The following RCOR1 variants were observed in gnomAD, a reference collection of about 807,000 sequenced individuals.
The protein encoded by RCOR1 is REST corepressor.
RCOR1 carries 12 observed loss-of-function variants against 64.0 expected under a neutral mutation model. That is an observed-to-expected ratio of 0.19 (90% confidence interval 0.12 to 0.30). The LOEUF (loss-of-function observed/expected upper bound fraction) is 0.30, where lower values mean the gene tolerates loss of function less well. Ranked by LOEUF, RCOR1 falls within the 10% of genes least tolerant of loss-of-function variation. The probability of loss-of-function intolerance (pLI) is 1.00; values close to 1 mark genes in which losing one functional copy is unlikely to be tolerated. For missense variants in RCOR1, 502 were observed against 621.2 expected (o/e 0.81, Z 2.04); for synonymous variants, 279 against 227.2 (o/e 1.23, Z -2.05).
At chr14:102,621,876 G>C (rs1370431148) in intron 2 of RCOR1, among the ~76,000 whole-genome samples, 3 of 152,108 alleles carry the variant, frequency 2.0e-5, no homozygotes. Context: ...GATTTTGTTG[G>C]ATGAATGCAA....
chr14:102,653,322 G>C (rs1894630868), intron 2 of RCOR1, among the ~76,000 whole-genome samples: 1 of 152,042 alleles, frequency 6.6e-6, no homozygotes, highest in African/African-American at 2.4e-5. Context: ...GGGCTCAATC[G>C]ATCCTCCCAC....
At chr14:102,682,801 A>G (rs1260254775) in intron 3 of RCOR1, among the ~76,000 whole-genome samples, 3 of 152,246 alleles carry the variant, frequency 2.0e-5, no homozygotes, top group African/African-American at 7.2e-5. Context: ...CAGTGTTCAC[A>G]GTAACCCAGG....
At chr14:102,671,728 T>A (rs193023612) in intron 2 of RCOR1, among the ~76,000 whole-genome samples, 50 of 152,326 alleles carry the variant, frequency 3.3e-4, no homozygotes, top group Admixed American at 3.3e-3. Flanking sequence ...TTATTTAAAA[T>A]ATGCAAAATT....
At chr14:102,624,653 C>G (rs1375470591) in intron 2 of RCOR1, among the ~76,000 whole-genome samples, 1 of 151,934 alleles carries the variant, frequency 6.6e-6, no homozygotes, top group Non-Finnish European at 1.5e-5. Flanking sequence ...ATAGTCACAG[C>G]TACTTCGGAG....
chr14:102,710,597 A>G (rs1895936367), intron 6 of RCOR1: 2 of 227,024 alleles, frequency 8.8e-6, no homozygotes, highest in South Asian at 1.3e-4. Context: ...TCCTCAATAG[A>G]TAATTATGAG....
chr14:102,652,207 G>A (rs1894607712), intron 2 of RCOR1, among the ~76,000 whole-genome samples: 2 of 152,110 alleles, frequency 1.3e-5, no homozygotes, highest in African/African-American at 2.4e-5. Flanking sequence ...CTTTGAAGAA[G>A]GAACTGTTTC....
chr14:102,647,754 T>C (rs12892602), intron 2 of RCOR1, among the ~76,000 whole-genome samples: 67,118 of 151,664 alleles, frequency 0.44, 16,795 homozygotes, highest in African/African-American at 0.69. Flanking sequence ...TCTCCACTCA[T>C]TGCAGCCTCC....
intron 2 of RCOR1, among the ~76,000 whole-genome samples, chr14:102,628,814 A>C (rs1595201586): frequency 6.6e-6 from 1 of 151,906 alleles, no homozygotes; most frequent in Admixed American, 6.5e-5. Flanking sequence ...TCGGCCTCCC[A>C]AAGTGCTGGG....
At chr14:102,601,034 C>T (rs1471096820) in intron 2 of RCOR1, among the ~76,000 whole-genome samples, 1 of 151,666 alleles carries the variant, frequency 6.6e-6, no homozygotes, top group Non-Finnish European at 1.5e-5. Flanking sequence ...ACTAAAAACA[C>T]AAAAATTAGC....
intron 2 of RCOR1, among the ~76,000 whole-genome samples, chr14:102,634,766 G>A (rs976140218): frequency 9.9e-5 from 15 of 151,318 alleles, no homozygotes; most frequent in African/African-American, 2.7e-4. Flanking sequence ...GCGCGATCTC[G>A]ACTCACGACA....
At chr14:102,674,902 T>C (rs1201945752) in intron 2 of RCOR1, among the ~76,000 whole-genome samples, 6 of 151,534 alleles carry the variant, frequency 4.0e-5, no homozygotes, top group Non-Finnish European at 8.8e-5. Flanking sequence ...CTACTAAAAA[T>C]ACAAAAAATT....
chr14:102,628,355 A>G (rs1455292437), intron 2 of RCOR1, among the ~76,000 whole-genome samples: 1 of 152,220 alleles, frequency 6.6e-6, no homozygotes, highest in Non-Finnish European at 1.5e-5. Flanking sequence ...AAAATTAACC[A>G]TTACAGAACC....
intron 2 of RCOR1, among the ~76,000 whole-genome samples, chr14:102,627,193 C>A (rs569062081): frequency 1.3e-5 from 2 of 152,320 alleles, no homozygotes; most frequent in East Asian, 1.9e-4. Context: ...ACTCTGCCTT[C>A]TGTAACTGCT....
At chr14:102,699,814 G>A (rs1376951528) in intron 3 of RCOR1, among the ~76,000 whole-genome samples, 1 of 151,510 alleles carries the variant, frequency 6.6e-6, no homozygotes, top group Non-Finnish European at 1.5e-5. Flanking sequence ...GGAAAATCAT[G>A]CATGAACATA....
chr14:102,710,816 T>G, intron 6 of RCOR1, 119 bp from the exon 7 acceptor site: 1 of 684,888 alleles, frequency 1.5e-6, no homozygotes, highest in East Asian at 2.9e-5. Flanking sequence ...TTATATTAAA[T>G]CAGTTTATTA....
chr14:102,710,066 T>C (rs1340662742), intron 6 of RCOR1, among the ~76,000 whole-genome samples: 1 of 152,230 alleles, frequency 6.6e-6, no homozygotes, highest in Admixed American at 6.5e-5. Flanking sequence ...GTGAAAGTCA[T>C]GGCAGGGACT....
At chr14:102,716,726 A>G (rs1896077094) in intron 8 of RCOR1, among the ~76,000 whole-genome samples, 1 of 151,814 alleles carries the variant, frequency 6.6e-6, no homozygotes, top group South Asian at 2.1e-4. Flanking sequence ...TCACCAATAC[A>G]TACTGTCCTA....
At chr14:102,637,964 T>G (rs1015673957) in intron 2 of RCOR1, among the ~76,000 whole-genome samples, 1 of 152,234 alleles carries the variant, frequency 6.6e-6, no homozygotes, top group Non-Finnish European at 1.5e-5. Flanking sequence ...TCTCCAGTGT[T>G]TGATTATCCA....
At chr14:102,675,791 A>G (rs983176441) in intron 2 of RCOR1, among the ~76,000 whole-genome samples, 15 of 152,026 alleles carry the variant, frequency 9.9e-5, no homozygotes, top group Non-Finnish European at 1.5e-4. Flanking sequence ...GCTTCCTCAC[A>G]CTTCTAGACC....
Sources: allele counts gnomAD v4.1 joint callset (sites outside exome capture counted in the v4.1 genomes callset), GRCh38; gene constraint gnomAD v4.1.1; transcripts MANE v1.5; gene names NCBI Gene and HGNC (gene_info 2026-07-23, HGNC 2026-07-21).